Variants in NDNF observed in about 807,000 individuals in gnomAD.
NDNF encodes the protein neuron derived neurotrophic factor.
A neutral mutation model predicts 42.0 loss-of-function variants in NDNF; 16 were observed. That is an observed-to-expected ratio of 0.38 (90% CI 0.26 to 0.58). The LOEUF (loss-of-function observed/expected upper bound fraction) is 0.58, where lower values mean the gene tolerates loss of function less well. NDNF is among the 20% of genes least tolerant of loss of function. The pLI is 0.67. For synonymous variants in NDNF, 248 were observed against 251.7 expected, an observed-to-expected ratio of 0.99 and a Z score of 0.14; for missense variants, 616 against 666.2, an observed-to-expected ratio of 0.92 and a Z score of 0.83.
At chr4:121,040,479 A>T (rs1228576225) in intron 2 of NDNF, among the ~76,000 whole-genome samples, 1 of 152,210 alleles carries the variant, frequency 6.6e-6, no homozygotes, top group Non-Finnish European at 1.5e-5. Context: ...ATTTGGTGAT[A>T]AATTTGTACA....
Position 121,037,677 on chromosome 4 carries a change from C to A in NDNF, c.314-20G>T. ...GATCACCTAGAAAATACAGGAGAAGCACAGGCTACTGTCAGGGCATACACT... is the reference window on the plus strand; with the variant it reads ...GATCACCTAGAAAATACAGGAGAAGAACAGGCTACTGTCAGGGCATACACT... On this transcript the variant is annotated intron_variant, in intron 3 of 3. Transcript: ENST00000379692. 6.5e-7 allele frequency: 1 copy of A among 1,549,080 alleles called. No individual in the cohort carries two copies. Among genetic ancestry groups the A allele is most frequent in the Non-Finnish European group, 8.7e-7 (1 of 1,153,958 alleles).
At position 121,053,956 on chromosome 4, in the gene NDNF, G is replaced by A. The variant is rs774071070; in HGVS notation, c.-1-8118C>T. Among the ~76,000 whole-genome samples, 6 of 152,166 alleles carry A rather than the reference G, an allele frequency of 3.9e-5. 1 individual carries two copies. The South Asian group carries it at 6.2e-4, about 16-fold the overall frequency. On this transcript the variant is annotated intron_variant, in intron 1 of 3. Transcript: ENST00000379692. ...TAGCTAAGATGGAGCATGGCAGCGC[G>A]CCAGTAGCATTCAGCAACAGCACGT...
rs917601186 is a variant in NDNF at position 121,037,148 on chromosome 4, T to G, written c.823A>C (p.Lys275Gln). ...ERSFQAKPSP[K>Q]LGRHVYSRPK... is the part of the protein sequence containing the mutation. ...CTGGAGTAGACATGACGCCCCAGTTTTGGAGAAGGCTTTGCCTGGAAACTG... is the reference window on the plus strand; with the variant it reads ...CTGGAGTAGACATGACGCCCCAGTTGTGGAGAAGGCTTTGCCTGGAAACTG... Residue 275 changes from lysine to glutamine, a missense_variant, in exon 4 of 4, where the codon AAA becomes CAA. Coordinates refer to ENST00000379692, the MANE Select transcript of NDNF (RefSeq NM_024574.4). 6.2e-7 allele frequency: 1 copy of G among 1,613,926 alleles called. No individual in the cohort carries two copies. The highest frequency in any genetic ancestry group is 1.3e-5 in the African/African-American group (1 of 74,960).
chr4:121,039,143 GTGTATA>G (rs1726934163), intron 3 of NDNF, among the ~76,000 whole-genome samples: 1 of 37,676 alleles, frequency 2.7e-5, no homozygotes, highest in East Asian at 1.5e-3. Flanking sequence ...ATATATATAT[GTGTATA>G]TATATATGTA....
intron 1 of NDNF, among the ~76,000 whole-genome samples, chr4:121,060,525 T>C (rs977644803): frequency 1.3e-5 from 2 of 152,106 alleles, no homozygotes; most frequent in African/African-American, 4.8e-5. Flanking sequence ...CCCAAGCAGT[T>C]TGTGTTTAAC....
intron 2 of NDNF, among the ~76,000 whole-genome samples, chr4:121,042,634 T>C (rs550231124): frequency 6.6e-5 from 10 of 152,304 alleles, no homozygotes; most frequent in South Asian, 4.1e-4. Flanking sequence ...TTTGGCCAGA[T>C]TGCATGGGAG....
chr4:121,039,166 T>C (rs796964036), intron 3 of NDNF, among the ~76,000 whole-genome samples: 18,019 of 79,522 alleles, frequency 0.23, 2,659 homozygotes, highest in South Asian at 0.39. Context: ...TGTATATATA[T>C]ATATAAAGAC....
Position 121,036,314 on chromosome 4 carries a change from G to A in NDNF, c.1657C>T (p.His553Tyr). The change falls in exon 4 of 4, where the codon CAC becomes TAC. Residue 553 changes from histidine to tyrosine, a missense_variant. Transcript: ENST00000379692. ...ACCTTACTCTGATACTTTACAGAGT[G>A]CCCCCCATGTCCTATGACATAAACA... ...LDVYVIGHGG[H>Y]SVKYQSKVVK... 2 of 1,613,632 alleles carry A rather than the reference G, an allele frequency of 1.2e-6. No homozygotes were observed. The highest frequency in any genetic ancestry group is 1.7e-6 in the Non-Finnish European group (2 of 1,179,846).
At chr4:121,065,443 T>A (rs1188785485) in intron 1 of NDNF, among the ~76,000 whole-genome samples, 1 of 152,042 alleles carries the variant, frequency 6.6e-6, no homozygotes, top group Non-Finnish European at 1.5e-5. Flanking sequence ...AACCTTCGAT[T>A]GTTTAAAAGA....
At chr4:121,056,511 T>C (rs1392319225) in intron 1 of NDNF, among the ~76,000 whole-genome samples, 1 of 152,246 alleles carries the variant, frequency 6.6e-6, no homozygotes, top group Non-Finnish European at 1.5e-5. Flanking sequence ...AGATAACTAC[T>C]GGTTTTGTTT....
chr4:121,050,932 C>A (rs1463236263), intron 1 of NDNF, among the ~76,000 whole-genome samples: 5 of 152,066 alleles, frequency 3.3e-5, no homozygotes, highest in Admixed American at 2.0e-4. Flanking sequence ...ACCATATAGT[C>A]TATACTTACA....
chr4:121,060,229 G>A (rs1579320217), intron 1 of NDNF, among the ~76,000 whole-genome samples: 1 of 151,988 alleles, frequency 6.6e-6, no homozygotes, highest in Admixed American at 6.6e-5. Context: ...CACCCAGGCT[G>A]GAGTGCAGTG....
chr4:121,059,152 C>T (rs1038488257), intron 1 of NDNF, among the ~76,000 whole-genome samples: 1 of 152,156 alleles, frequency 6.6e-6, no homozygotes, highest in Non-Finnish European at 1.5e-5. Flanking sequence ...CTTTTTTATG[C>T]TCATATTTCT....
At position 121,070,910 on chromosome 4, in the gene NDNF, G is replaced by A. The variant is rs940296732; in HGVS notation, c.-2+1083C>T. Among the ~76,000 whole-genome samples, 3 of 152,272 alleles carry A rather than the reference G, an allele frequency of 2.0e-5. No individual in the cohort carries two copies. In the East Asian group the frequency reaches 5.8e-4, roughly 30 times the overall value. ...GCCGGAGGGACAGCTCAGAGACAGC[G>A]TAGAGGTGCCCGCGGCAAACTCCGA... On this transcript the variant is annotated intron_variant, in intron 1 of 3. Coordinates refer to ENST00000379692, the MANE Select transcript of NDNF (RefSeq NM_024574.4).
chr4:121,052,417 G>GT (rs1727214052), intron 1 of NDNF, among the ~76,000 whole-genome samples: 1 of 152,214 alleles, frequency 6.6e-6, no homozygotes, highest in African/African-American at 2.4e-5. Flanking sequence ...AGAGTGGAAA[G>GT]TGCATGATTA....
chr4:121,055,275 A>G (rs1031801959), intron 1 of NDNF, among the ~76,000 whole-genome samples: 2 of 152,200 alleles, frequency 1.3e-5, no homozygotes, highest in African/African-American at 2.4e-5. Context: ...GATGAAGGCT[A>G]CTGCAGTTGT....
chr4:121,066,552 T>C (rs1164897299), intron 1 of NDNF, among the ~76,000 whole-genome samples: 1 of 152,224 alleles, frequency 6.6e-6, no homozygotes, highest in African/African-American at 2.4e-5. Flanking sequence ...AACAGTTTGT[T>C]TGCCAACTGC....
At chr4:121,063,528 C>T (rs74567179) in intron 1 of NDNF, among the ~76,000 whole-genome samples, 2,158 of 152,140 alleles carry the variant, frequency 0.014, 37 homozygotes, top group African/African-American at 0.039. Context: ...TTGTAATACC[C>T]GGATTTGAAT....
chr4:121,041,887 T>C (rs182736480), intron 2 of NDNF, among the ~76,000 whole-genome samples: 2 of 152,246 alleles, frequency 1.3e-5, no homozygotes. Context: ...AAGTACTTTG[T>C]GGTTTGAGCA....
Sources: allele counts gnomAD v4.1 joint callset (sites outside exome capture counted in the v4.1 genomes callset), GRCh38; gene constraint gnomAD v4.1.1; transcripts MANE v1.5; gene names NCBI Gene and HGNC (gene_info 2026-07-23, HGNC 2026-07-21).